ADAM22: variants seen among roughly 807,000 people sequenced by gnomAD.
ADAM22 encodes disintegrin and metalloproteinase domain-containing protein 22.
A neutral mutation model predicts 144.6 loss-of-function variants in ADAM22; 65 were observed. The observed-to-expected ratio is 0.45, with a 90% CI of 0.37 to 0.55. The LOEUF (loss-of-function observed/expected upper bound fraction) is 0.55, where lower values mean the gene tolerates loss of function less well. Among genes scored for constraint, ADAM22 ranks in the 20% least tolerant of loss-of-function variants. The pLI is 0.00. For missense variants in ADAM22, 974 were observed against 1,184.9 expected (o/e 0.82, Z 2.61); for synonymous variants, 391 against 412.6 (o/e 0.95, Z 0.63).
rs867229265 is a variant in ADAM22 at position 87,934,518 on chromosome 7, G to A, written c.53G>A (p.Gly18Glu). ...CCCTTCTTGCTGCTCTGTGTCCTGG[G>A]GACCTGCCCTCCGGCGCGCTGCGGC... ...SVPFLLLCVL[G>E]TCPPARCGQA... Residue 18 changes from glycine (G) to glutamate (E), a missense_variant, in exon 1 of 32, where the codon GGG becomes GAG. This residue lies in a region of ADAM22 where 240 missense variants were observed against 234.3 expected (regional missense o/e 1.02). Coordinates refer to ENST00000413139, the MANE Select transcript of ADAM22 (RefSeq NM_001324418.2). 6.2e-7 allele frequency: 1 copy of A among 1,609,258 alleles called. No homozygotes were observed. The highest frequency in any genetic ancestry group is 8.5e-7 in the Non-Finnish European group (1 of 1,179,666).
At chr7:88,106,577 C>G (rs116433530) in intron 4 of ADAM22, among the ~76,000 whole-genome samples, 1 of 152,164 alleles carries the variant, frequency 6.6e-6, no homozygotes, top group Non-Finnish European at 1.5e-5. Flanking sequence ...CCCATCCTAT[C>G]GGTCCTTTCT....
At chr7:88,041,446 A>C (rs760323496) in intron 3 of ADAM22, among the ~76,000 whole-genome samples, 1 of 151,684 alleles carries the variant, frequency 6.6e-6, no homozygotes, top group Admixed American at 6.6e-5. Context: ...TTACACATCC[A>C]TATATATTTT....
chr7:87,942,926 T>C (rs1408505128), intron 2 of ADAM22, among the ~76,000 whole-genome samples: 22 of 152,038 alleles, frequency 1.4e-4, no homozygotes, highest in Admixed American at 1.3e-3. Flanking sequence ...TATGCCTTCA[T>C]AGAACTAGCA....
intron 3 of ADAM22, among the ~76,000 whole-genome samples, chr7:88,005,901 A>G (rs981811310): frequency 6.6e-6 from 1 of 152,198 alleles, no homozygotes; most frequent in Non-Finnish European, 1.5e-5. Context: ...AAACCTACAT[A>G]TATAACATAA....
chr7:88,169,384 A>T (rs947615535), intron 25 of ADAM22, among the ~76,000 whole-genome samples: 3 of 152,110 alleles, frequency 2.0e-5, no homozygotes, highest in Admixed American at 6.6e-5. Flanking sequence ...TTAAATGAGC[A>T]TCTAGCCCTG....
chr7:87,998,947 G>A (rs995676534), intron 3 of ADAM22, among the ~76,000 whole-genome samples: 1 of 152,266 alleles, frequency 6.6e-6, no homozygotes, highest in Middle Eastern at 3.4e-3. Flanking sequence ...GGAGCATTGT[G>A]TAATATATGA....
At chr7:88,052,291 A>T (rs566743021) in intron 3 of ADAM22, among the ~76,000 whole-genome samples, 1 of 151,064 alleles carries the variant, frequency 6.6e-6, no homozygotes, top group East Asian at 2.0e-4. Flanking sequence ...AGGTCAGGAG[A>T]TCGAGACCAT....
At chr7:88,007,155 C>A (rs1794118836) in intron 3 of ADAM22, among the ~76,000 whole-genome samples, 2 of 152,108 alleles carry the variant, frequency 1.3e-5, no homozygotes, top group Non-Finnish European at 2.9e-5. Context: ...ACAATTGCTT[C>A]AAAGAGAATG....
chr7:88,079,607 A>G (rs1249219192), intron 4 of ADAM22, among the ~76,000 whole-genome samples: 1 of 152,184 alleles, frequency 6.6e-6, no homozygotes, highest in Non-Finnish European at 1.5e-5. Context: ...AACCCATCTC[A>G]TGTGCAGAGA....
rs200566855 is a variant in ADAM22 at position 88,149,018 on chromosome 7, T to C, written c.1527T>C (p.Asp509=). 1.9e-6 allele frequency: 3 copies of C among 1,612,562 alleles called. No homozygotes were observed. Among genetic ancestry groups the C allele is most frequent in the Non-Finnish European group, 2.5e-6 (3 of 1,178,960 alleles). Residue 509 remains aspartate (D), a synonymous_variant, in exon 18 of 32, where the codon GAT becomes GAC. Transcript: ENST00000413139. ...CTGTGTGCCGAGAAGCAGTAAATGA[T>C]TGTGATATTCGTGAAACGTGCTCAG... is the stretch of plus-strand genomic sequence containing the variant. ...MGTVCREAVN[D]CDIRETCSGN... is the part of the protein sequence containing the mutation.
chr7:88,003,642 A>G (rs1241172633), intron 3 of ADAM22, among the ~76,000 whole-genome samples: 1 of 152,218 alleles, frequency 6.6e-6, no homozygotes, highest in Non-Finnish European at 1.5e-5. Context: ...TCAATCTCCA[A>G]ATGGAGGGCA....
rs36187880 is a variant in ADAM22 at position 87,973,911 on chromosome 7, G to A, written c.247-4425G>A. On this transcript the variant is annotated intron_variant, in intron 2 of 31. Coordinates refer to ENST00000413139, the MANE Select transcript of ADAM22 (RefSeq NM_001324418.2). ...AATGAGAACACATGAACACAAGAAG[G>A]GGAACATCACACACCGGGGACTGTT... is the stretch of plus-strand genomic sequence containing the variant. Among the ~76,000 whole-genome samples the A allele has an allele frequency of 5.2e-3, 790 of 152,012 alleles. 11 individuals carry two copies. Among genetic ancestry groups the A allele is most frequent in the East Asian group, 0.045 (234 of 5,150 alleles).
chr7:87,974,731 A>G (rs1851482031), intron 2 of ADAM22, among the ~76,000 whole-genome samples: 1 of 152,214 alleles, frequency 6.6e-6, no homozygotes, highest in Non-Finnish European at 1.5e-5. Flanking sequence ...ATTGTCTTAC[A>G]ACTGTGGAGG....
chr7:88,165,791 CAG>C lies in ADAM22; in HGVS notation c.2077-36_2077-35del, dbSNP rs775217386. On this transcript the variant is annotated intron_variant, in intron 23 of 31. Transcript: ENST00000413139. ...GTGTTTATTTTTCATGCTTCTGTAC[CAG>C]AGAGTTGACATTTACTCTAGCTTGA... 28 of 1,387,642 alleles carry C rather than the reference CAG, an allele frequency of 2.0e-5. No homozygotes were observed. The East Asian group carries it at 6.5e-4, about 32-fold the overall frequency. The allele number at this position is 1,387,642 out of a possible 1,614,324, so 86.0% of individuals were successfully genotyped here. A position where few individuals can be genotyped will look rare whatever the true frequency, so the allele number is the denominator to read the frequency against.
intron 4 of ADAM22, among the ~76,000 whole-genome samples, chr7:88,092,978 AAG>A (rs1005883623): frequency 2.0e-5 from 3 of 152,142 alleles, no homozygotes; most frequent in African/African-American, 7.2e-5. Context: ...TAACTATCTA[AAG>A]AGTTATTTCA....
intron 3 of ADAM22, among the ~76,000 whole-genome samples, chr7:87,983,889 G>A (rs1460001938): frequency 6.6e-6 from 1 of 152,090 alleles, no homozygotes; most frequent in East Asian, 1.9e-4. Context: ...GGACTAGTCA[G>A]CTTTCCCATT....
intron 3 of ADAM22, among the ~76,000 whole-genome samples, chr7:88,033,620 G>T (rs1043648251): frequency 2.6e-5 from 4 of 152,204 alleles, no homozygotes; most frequent in African/African-American, 9.6e-5. Flanking sequence ...CCAGGCCTTT[G>T]TTCTTCCCTA....
At chr7:88,025,241 G>A (rs1465050963) in intron 3 of ADAM22, among the ~76,000 whole-genome samples, 1 of 152,040 alleles carries the variant, frequency 6.6e-6, no homozygotes, top group Non-Finnish European at 1.5e-5. Context: ...TTCTTATTGA[G>A]TTGTTTGAGC....
chr7:88,155,892 T>C lies in ADAM22; in HGVS notation c.1793T>C (p.Val598Ala). The change falls in exon 22 of 32, where the codon GTG (valine) becomes GCG (alanine). Residue 598 changes from valine to alanine, a missense_variant. Around this residue, in one of 2 missense-constraint regions of ADAM22, gnomAD observed 734 missense variants for 950.6 expected, o/e 0.77. Transcript: ENST00000413139. ...DTWIQCNKRD[V>A]LCGYLLCTNI... ...TTGGTAATCTTTTGATACAGGGATG[T>C]GCTTTGTGGTTACCTTTTGTGTACC... is the stretch of plus-strand genomic sequence containing the variant. The C allele has an allele frequency of 1.2e-6, 2 of 1,612,858 alleles. No homozygotes were observed. The highest frequency in any genetic ancestry group is 1.7e-6 in the Non-Finnish European group (2 of 1,179,330).
Sources: gnomAD v4.1 joint callset for allele counts (sites outside exome capture counted in the v4.1 genomes callset) on GRCh38, gnomAD v4.1.1 for gene constraint, gnomAD v4.1.1 regional missense constraint, MANE v1.5 for transcripts, NCBI Gene and HGNC (gene_info 2026-07-23, HGNC 2026-07-21) for gene names.